Variants in DCUN1D4 observed in about 807,000 individuals in gnomAD.
DCUN1D4 encodes the protein defective in cullin neddylation 1 domain containing 4.
DCUN1D4 carries 22 observed loss-of-function variants against 47.9 expected under a neutral mutation model. That is an observed-to-expected ratio of 0.46 (90% confidence interval 0.33 to 0.66). The LOEUF is 0.66. DCUN1D4 is among the 30% of genes least tolerant of loss of function. The pLI, the probability that DCUN1D4 is intolerant of heterozygous loss-of-function variation, is 0.02. For synonymous variants in DCUN1D4, 121 were observed against 112.2 expected (o/e 1.08, Z -0.50); for missense variants, 301 against 340.8 (o/e 0.88, Z 0.92).
chr4:51,906,740 G>C (rs969797542), intron 8 of DCUN1D4, among the ~76,000 whole-genome samples: 1 of 152,200 alleles, frequency 6.6e-6, no homozygotes, highest in Admixed American at 6.5e-5. Context: ...AGTTGTTGCA[G>C]AGCCAGGCAT....
At chr4:51,843,907 G>A (rs1249660564) in intron 1 of DCUN1D4, among the ~76,000 whole-genome samples, 6 of 148,880 alleles carry the variant, frequency 4.0e-5, no homozygotes, top group African/African-American at 1.5e-4. Context: ...GGAAAGCGAG[G>A]TGGTGGGAGG....
In DCUN1D4 at chr4:51,851,106, T is replaced by C. The variant is rs906688598; in HGVS notation, c.25+7839T>C. 5.3e-5 allele frequency among the ~76,000 whole-genome samples: 8 copies of C among 152,200 alleles called. No individual in the cohort carries two copies. In the East Asian group the frequency reaches 1.5e-3, roughly 29 times the overall value. Reference sequence around the variant, plus strand: ...AAAAAATCACTCTTGAGAAGAAAAGTTATAAGAAAGAACAGAACCAAATGA... The same window carrying C: ...AAAAAATCACTCTTGAGAAGAAAAGCTATAAGAAAGAACAGAACCAAATGA... On this transcript the variant is annotated intron_variant, in intron 1 of 10. Transcript: ENST00000334635.
At chr4:51,847,020 A>AT (rs989362492) in intron 1 of DCUN1D4, among the ~76,000 whole-genome samples, 4 of 152,124 alleles carry the variant, frequency 2.6e-5, no homozygotes, top group Non-Finnish European at 5.9e-5. Flanking sequence ...GTGTCATTGG[A>AT]TTGAACTGAT....
the DCUN1D4 span, among the ~76,000 whole-genome samples, chr4:51,834,103 C>CTTTTTTTTTTTTTT: frequency 1.3e-3 from 57 of 42,564 alleles, 6 homozygotes; most frequent in East Asian, 2.2e-3. Flanking sequence ...TTTCTTCTTT[C>CTTTTTTTTTTTTTT]TTTTTTTTTT....
chr4:51,902,592 T>A (rs1732284592), intron 8 of DCUN1D4, among the ~76,000 whole-genome samples: 1 of 152,210 alleles, frequency 6.6e-6, no homozygotes, highest in Non-Finnish European at 1.5e-5. Context: ...GTCTGCATGC[T>A]ATATCTTTTT....
intron 6 of DCUN1D4, among the ~76,000 whole-genome samples, 194 bp from the exon 7 acceptor site, chr4:51,891,566 T>C (rs1730430562): frequency 6.6e-6 from 1 of 152,230 alleles, no homozygotes; most frequent in Non-Finnish European, 1.5e-5. Context: ...CAGCAGACTA[T>C]ATTGTCAACT....
chr4:51,904,193 A>C (rs1732529530), intron 8 of DCUN1D4, among the ~76,000 whole-genome samples: 1 of 152,096 alleles, frequency 6.6e-6, no homozygotes, highest in Admixed American at 6.6e-5. Context: ...TGTCCAAAGC[A>C]GTCTTGATAG....
At chr4:51,894,344 T>A (rs1730903573) in intron 7 of DCUN1D4, among the ~76,000 whole-genome samples, 1 of 152,194 alleles carries the variant, frequency 6.6e-6, no homozygotes, top group Non-Finnish European at 1.5e-5. Flanking sequence ...TCAAAAATAG[T>A]CCAACTTCAA....
chr4:51,879,968 T>C (rs1560487007), intron 5 of DCUN1D4, among the ~76,000 whole-genome samples: 1 of 152,140 alleles, frequency 6.6e-6, no homozygotes, highest in Non-Finnish European at 1.5e-5. Flanking sequence ...ATTATTTAGG[T>C]TCCTTGAAAT....
chr4:51,856,230 C>T (rs1047894337), intron 1 of DCUN1D4, among the ~76,000 whole-genome samples: 1 of 152,126 alleles, frequency 6.6e-6, no homozygotes, highest in Non-Finnish European at 1.5e-5. Flanking sequence ...TCATTTTCAT[C>T]GTCACTTGAA....
chr4:51,899,701 A>G (rs888184295), intron 8 of DCUN1D4, among the ~76,000 whole-genome samples: 3 of 152,210 alleles, frequency 2.0e-5, no homozygotes, highest in Non-Finnish European at 2.9e-5. Flanking sequence ...TCACAGAACA[A>G]CAAACCTTCT....
intron 3 of DCUN1D4, among the ~76,000 whole-genome samples, chr4:51,872,597 C>T (rs538280716): frequency 2.0e-5 from 3 of 152,318 alleles, no homozygotes; most frequent in South Asian, 4.1e-4. Context: ...CCTGGATTTC[C>T]TTCCTGCCTG....
chr4:51,899,511 T>C (rs1271656011), intron 8 of DCUN1D4, 133 bp downstream of exon 8: 3 of 1,469,698 alleles, frequency 2.0e-6, no homozygotes, highest in African/African-American at 1.5e-5. Flanking sequence ...TAGTTAGTAT[T>C]TCTTTCTACA....
At chr4:51,888,855 C>CCAG (rs1729969538) in intron 6 of DCUN1D4, among the ~76,000 whole-genome samples, 1 of 152,044 alleles carries the variant, frequency 6.6e-6, no homozygotes, top group African/African-American at 2.4e-5. Flanking sequence ...GCCTGTAATC[C>CCAG]CAGTACTTTG....
intron 1 of DCUN1D4, chr4:51,843,724 G>A (rs1721980161): frequency 3.3e-6 from 4 of 1,220,424 alleles, no homozygotes; most frequent in Non-Finnish European, 3.0e-6. Flanking sequence ...TGGTGCGGGC[G>A]GCTCCGTGAG....
chr4:51,891,756 A>G lies in DCUN1D4; in HGVS notation c.415-4A>G, dbSNP rs1485031349. On this transcript the variant is annotated splice_region_variant and splice_polypyrimidine_tract_variant and intron_variant, in intron 6 of 10. Transcript: ENST00000334635. ...TTTTTTAATTGTGTATTTTTTTTTAACAGGTAGTTATGCTTGTCCTAGCTT... is the reference window on the plus strand; with the variant it reads ...TTTTTTAATTGTGTATTTTTTTTTAGCAGGTAGTTATGCTTGTCCTAGCTT... 6 of 1,599,552 alleles carry G rather than the reference A, an allele frequency of 3.8e-6. No homozygotes were observed. The highest frequency in any genetic ancestry group is 1.7e-5 in the Admixed American group (1 of 57,388).
At chr4:51,868,843 G>T (rs1726388812) in intron 3 of DCUN1D4, among the ~76,000 whole-genome samples, 1 of 152,158 alleles carries the variant, frequency 6.6e-6, no homozygotes, top group African/African-American at 2.4e-5. Flanking sequence ...AATCAGGCTG[G>T]GTGTGGTGGC....
chr4:51,913,208 A>T, intron 9 of DCUN1D4, 82 bp from the exon 10 acceptor site: 1 of 839,478 alleles, frequency 1.2e-6, no homozygotes, highest in Non-Finnish European at 1.9e-6. Flanking sequence ...GAACTTAATT[A>T]AGTTGATTCA....
intron 5 of DCUN1D4, chr4:51,884,491 C>T (rs908368862): frequency 2.0e-5 from 3 of 152,234 alleles, no homozygotes; most frequent in African/African-American, 7.2e-5. Flanking sequence ...AAGGTGAATT[C>T]TGCTGGACTT....
Sources: gnomAD v4.1 joint callset for allele counts (sites outside exome capture counted in the v4.1 genomes callset) on GRCh38, gnomAD v4.1.1 for gene constraint, MANE v1.5 for transcripts, NCBI Gene and HGNC (gene_info 2026-07-23, HGNC 2026-07-21) for gene names.